The following CYLC2 variants were observed in gnomAD, a reference collection of about 807,000 sequenced individuals.
CYLC2 encodes the protein cylicin 2, also known as cylicin-2.
Under a neutral mutation model 26.1 loss-of-function variants are expected in CYLC2, and 30 were observed. The observed-to-expected ratio is 1.15, with a 90% CI of 0.86 to 1.56. CYLC2 has a LOEUF of 1.56. Among genes scored for constraint, CYLC2 ranks in the 40% most tolerant of loss-of-function variants. CYLC2 has a pLI of 0.00. For missense variants in CYLC2, 498 were observed against 394.4 expected (o/e 1.26, Z -2.23); for synonymous variants, 158 against 132.8 (o/e 1.19, Z -1.31).
chr9:103,007,184 A>G (rs1377672276), intron 5 of CYLC2, among the ~76,000 whole-genome samples: 1 of 152,140 alleles, frequency 6.6e-6, no homozygotes, highest in African/African-American at 2.4e-5. Context: ...AGAAATATTC[A>G]AAGAACATGG....
At chr9:103,009,965 C>T (rs1829389727) in intron 5 of CYLC2, among the ~76,000 whole-genome samples, 1 of 144,038 alleles carries the variant, frequency 6.9e-6, no homozygotes, top group Non-Finnish European at 1.5e-5. Context: ...TATGTGTACA[C>T]ATTGAATTTA....
intron 1 of CYLC2, among the ~76,000 whole-genome samples, chr9:102,998,066 T>C (rs932263693): frequency 1.2e-4 from 18 of 152,056 alleles, no homozygotes; most frequent in African/African-American, 3.6e-4. Flanking sequence ...CATGCACAGT[T>C]ACTGAAAATG....
rs760780453 is a variant in CYLC2, at chr9:103,005,402, G to A, written c.771G>A (p.Ser257=). The A allele has an allele frequency of 3.1e-6, 5 of 1,613,898 alleles. No homozygotes were observed. The highest frequency in any genetic ancestry group is 4.2e-6 in the Non-Finnish European group (5 of 1,179,928). ...GKKDANKGDE[S]KDAKKDAKEI... is the part of the protein sequence containing the mutation. ...AAGATGCAAACAAAGGTGATGAATC[G>A]AAGGATGCCAAGAAAGATGCAAAGG... The change falls in exon 5 of 8, where the codon TCG becomes TCA. Residue 257 remains serine (S), a synonymous_variant. Transcript: ENST00000374798.
intron 6 of CYLC2, among the ~76,000 whole-genome samples, chr9:103,012,442 G>C (rs969328366): frequency 3.9e-5 from 6 of 151,980 alleles, no homozygotes; most frequent in Non-Finnish European, 8.8e-5. Context: ...GGTATCTGAA[G>C]ACACCGAATA....
At position 103,008,104 on chromosome 9, in the gene CYLC2, T is replaced by C. The variant is rs373229599; in HGVS notation, c.*700+1726T>C. Among the ~76,000 whole-genome samples, 10 of 152,254 alleles carry C rather than the reference T, an allele frequency of 6.6e-5. No homozygotes were observed. In the South Asian group the frequency reaches 2.1e-3, roughly 32 times the overall value. ...GATTGCTAAACTTTTCTGGAAATGT[T>C]ACCATCTCTCTGAAGATTTAGGAAA... is the stretch of plus-strand genomic sequence containing the variant. On this transcript the variant is annotated intron_variant, in intron 5 of 7. Coordinates refer to ENST00000374798, the MANE Select transcript of CYLC2 (RefSeq NM_001340.5).
chr9:103,013,344 T>G (rs1161918045), intron 6 of CYLC2, among the ~76,000 whole-genome samples: 4 of 68,542 alleles, frequency 5.8e-5, no homozygotes, highest in Admixed American at 2.3e-4. Flanking sequence ...ATATATTATA[T>G]AAATATATAT....
In CYLC2 at chr9:103,004,846, C is replaced by T; in HGVS notation, c.332C>T (p.Ala111Val). ...PTRTVEVDSK[A>V]AEIGKKGEDK... ...CGTACTGTCGAGGTGGATTCTAAAGCAGCAGGTAGAGATAACTTACTGTTT... is the reference window on the plus strand; with the variant it reads ...CGTACTGTCGAGGTGGATTCTAAAGTAGCAGGTAGAGATAACTTACTGTTT... The change falls in exon 4 of 8, where the codon GCA becomes GTA. Residue 111 changes from alanine (A) to valine (V), a missense_variant. Transcript: ENST00000374798. 6 of 1,607,998 alleles carry T rather than the reference C, an allele frequency of 3.7e-6. No individual in the cohort carries two copies. The highest frequency in any genetic ancestry group is 5.1e-6 in the Non-Finnish European group (6 of 1,178,506).
chr9:103,000,391 T>C (rs1829276920), intron 1 of CYLC2, among the ~76,000 whole-genome samples: 1 of 152,020 alleles, frequency 6.6e-6, no homozygotes, highest in Non-Finnish European at 1.5e-5. Flanking sequence ...TTTCATGAAC[T>C]TAAAATCTTT....
intron 2 of CYLC2, 54 bp from the exon 3 acceptor site, chr9:103,003,088 C>A: frequency 6.3e-7 from 1 of 1,598,118 alleles, no homozygotes; most frequent in Non-Finnish European, 8.5e-7. Flanking sequence ...GCCATTTCAG[C>A]TCTGATGGAA....
At chr9:103,014,112 T>C (rs1829456991) in intron 6 of CYLC2, among the ~76,000 whole-genome samples, 1 of 120,552 alleles carries the variant, frequency 8.3e-6, no homozygotes, top group Non-Finnish European at 1.6e-5. Context: ...ATATAATAAA[T>C]ATATTTTATA....
rs1314856618 is a variant in CYLC2, at chr9:103,005,275, A to C, written c.644A>C (p.Lys215Thr). 6.2e-7 allele frequency: 1 copy of C among 1,613,784 alleles called. No individual in the cohort carries two copies. The highest frequency in any genetic ancestry group is 1.7e-5 in the Admixed American group (1 of 59,962). The change falls in exon 5 of 8, where the codon AAA becomes ACA. Residue 215 changes from lysine (K) to threonine (T), a missense_variant. By Grantham distance (78) the Lys-to-Thr change is moderately conservative (BLOSUM62 -1). Coordinates refer to ENST00000374798, the MANE Select transcript of CYLC2 (RefSeq NM_001340.5). ...GAAGGTGAAAAAGGAGGTACAGAGA[A>C]AGATAGCAAAAAAGGTAAAAAGGAT... is the stretch of plus-strand genomic sequence containing the variant. Reference protein sequence around the residue: ...ESEGEKGGTEKDSKKGKKDSK... With the variant: ...ESEGEKGGTETDSKKGKKDSK...
In CYLC2 at chr9:103,006,477, G is replaced by C. The variant is rs1273928834; in HGVS notation, c.*700+99G>C. 5 of 151,978 alleles carry C rather than the reference G, an allele frequency of 3.3e-5. No individual in the cohort carries two copies. In the East Asian group the frequency reaches 9.8e-4, roughly 30 times the overall value. The allele number at this position is 151,978 out of a possible 1,614,324, so 9.4% of individuals were successfully genotyped here. A position where few individuals can be genotyped will look rare whatever the true frequency, so the allele number is the denominator to read the frequency against. On this transcript the variant is annotated intron_variant, in intron 5 of 7. Coordinates refer to ENST00000374798, the MANE Select transcript of CYLC2 (RefSeq NM_001340.5). ...CGCCCAGGCTGGAGGGCAGTGGCGC[G>C]ATCTCGGCTCACTGCAAGCTCCGCC... is the stretch of plus-strand genomic sequence containing the variant.
chr9:103,014,560 T>C (rs1298620080), intron 6 of CYLC2, among the ~76,000 whole-genome samples: 1 of 142,800 alleles, frequency 7.0e-6, no homozygotes, highest in Non-Finnish European at 1.5e-5. Flanking sequence ...GCAGTATACA[T>C]CATATGTATA....
chr9:103,003,851 T>C (rs1302142666), intron 3 of CYLC2, among the ~76,000 whole-genome samples: 2 of 152,054 alleles, frequency 1.3e-5, no homozygotes, highest in Non-Finnish European at 2.9e-5. Flanking sequence ...TTCTGTAATA[T>C]AGAATTCAGG....
intron 6 of CYLC2, among the ~76,000 whole-genome samples, chr9:103,016,226 T>C (rs73659656): frequency 0.059 from 8,919 of 151,904 alleles, 314 homozygotes; most frequent in South Asian, 0.11. Flanking sequence ...GTATATCATA[T>C]ATAGATACCT....
intron 5 of CYLC2, among the ~76,000 whole-genome samples, chr9:103,009,811 A>G (rs13293704): frequency 1.3e-5 from 2 of 151,954 alleles, no homozygotes; most frequent in East Asian, 1.9e-4. Flanking sequence ...AGAACATGCA[A>G]TGTTTCTCCA....
intron 6 of CYLC2, among the ~76,000 whole-genome samples, chr9:103,014,048 T>C (rs1829455846): frequency 8.5e-6 from 1 of 118,154 alleles, no homozygotes; most frequent in Admixed American, 1.0e-4. Flanking sequence ...ACATACTTTA[T>C]ATATCTATTT....
In CYLC2 at chr9:103,013,213, T is replaced by C. The variant is rs1306231260; in HGVS notation, c.*816+1116T>C. Among the ~76,000 whole-genome samples the C allele has an allele frequency of 3.2e-5, 4 of 126,058 alleles. No individual in the cohort carries two copies. The South Asian group carries it at 9.3e-4, about 29-fold the overall frequency. The allele number at this position is 126,058 out of a possible 152,430, so 82.7% of individuals were successfully genotyped here. On this transcript the variant is annotated intron_variant, in intron 6 of 7. Transcript: ENST00000374798. ...ATATATAACATATTAATGTTATATA[T>C]TAATATGTATATTATAAACATATAA...
At chr9:102,996,819 G>GCTCTA (rs1279421423) in intron 1 of CYLC2, among the ~76,000 whole-genome samples, 1 of 151,786 alleles carries the variant, frequency 6.6e-6, no homozygotes, top group Non-Finnish European at 1.5e-5. Flanking sequence ...TAATACCTTT[G>GCTCTA]CTCTATCCAA....
Sources: allele counts gnomAD v4.1 joint callset (sites outside exome capture counted in the v4.1 genomes callset), GRCh38; gene constraint gnomAD v4.1.1; transcripts MANE v1.5; gene names NCBI Gene and HGNC (gene_info 2026-07-23, HGNC 2026-07-21).